SUZ12: variants seen among roughly 807,000 people sequenced by gnomAD.
The protein encoded by SUZ12 is SUZ12 polycomb repressive complex 2 subunit.
In SUZ12, 17 loss-of-function variants were observed where a neutral mutation model predicts 87.3. The ratio of observed to expected loss-of-function variants is 0.19; its 90% CI spans 0.13 to 0.29. The LOEUF (loss-of-function observed/expected upper bound fraction) is 0.29, where lower values mean the gene tolerates loss of function less well. Among genes scored for constraint, SUZ12 ranks in the 10% least tolerant of loss-of-function variants. SUZ12 has a pLI of 1.00. For missense variants in SUZ12, 526 were observed against 912.2 expected (o/e 0.58, Z 5.45); for synonymous variants, 253 against 312.4 (o/e 0.81, Z 2.01).
At chr17:31,969,947 CAG>C (rs1428245227) in intron 5 of SUZ12, among the ~76,000 whole-genome samples, 4 of 152,060 alleles carry the variant, frequency 2.6e-5, no homozygotes, top group African/African-American at 7.2e-5. Flanking sequence ...ATTTTTTAGA[CAG>C]AGTCTTGCTC....
chr17:31,982,733 A>G (rs1256060377), intron 8 of SUZ12, among the ~76,000 whole-genome samples: 3 of 152,222 alleles, frequency 2.0e-5, no homozygotes, highest in Non-Finnish European at 4.4e-5. Context: ...CCAGGTTTTG[A>G]GACCTCAGGC....
intron 4 of SUZ12, among the ~76,000 whole-genome samples, chr17:31,959,448 C>T (rs922007730): frequency 6.6e-6 from 1 of 152,136 alleles, no homozygotes; most frequent in Admixed American, 6.6e-5. Flanking sequence ...TTAGAAAGTG[C>T]GTCTAACCCC....
At chr17:31,964,342 AAC>A (rs1567822758) in intron 4 of SUZ12, among the ~76,000 whole-genome samples, 1 of 123,398 alleles carries the variant, frequency 8.1e-6, no homozygotes, top group African/African-American at 6.0e-5. Flanking sequence ...TACTTTCTAG[AAC>A]ATACTTTTCT....
At chr17:31,988,931 G>A (rs1162482857) in intron 10 of SUZ12, among the ~76,000 whole-genome samples, 1 of 151,576 alleles carries the variant, frequency 6.6e-6, no homozygotes, top group Admixed American at 6.6e-5. Context: ...ATTTAGCCAG[G>A]TGTGGTGGCG....
intron 4 of SUZ12, among the ~76,000 whole-genome samples, chr17:31,961,367 T>C (rs1465332526): frequency 2.0e-5 from 3 of 152,094 alleles, no homozygotes; most frequent in Non-Finnish European, 2.9e-5. Flanking sequence ...GCCAACGTGG[T>C]GAAACCTCAT....
chr17:31,972,960 A>G (rs918121656), intron 5 of SUZ12, among the ~76,000 whole-genome samples, 186 bp from the exon 6 acceptor site: 2 of 151,126 alleles, frequency 1.3e-5, no homozygotes, highest in African/African-American at 4.9e-5. Flanking sequence ...TATTTACACT[A>G]TATATAAAGG....
chr17:31,994,518 A>G (rs746417737), intron 12 of SUZ12, 46 bp from the exon 13 acceptor site: 1 of 1,460,126 alleles, frequency 6.8e-7, no homozygotes, highest in Admixed American at 2.4e-5. Flanking sequence ...AGGGATATTT[A>G]GGATAGGATA....
intron 4 of SUZ12, among the ~76,000 whole-genome samples, chr17:31,954,363 CT>C (rs974761144): frequency 6.6e-6 from 1 of 152,118 alleles, no homozygotes; most frequent in African/African-American, 2.4e-5. Context: ...GCCCAGCCAA[CT>C]TTGTTTTTGA....
chr17:31,964,400 C>T (rs1046734357), intron 4 of SUZ12, among the ~76,000 whole-genome samples: 2 of 149,972 alleles, frequency 1.3e-5, no homozygotes, highest in African/African-American at 2.4e-5. Context: ...CTGTCAAAAT[C>T]CCAACTCTGT....
Position 31,956,381 on chromosome 17 carries a change from A to C in SUZ12, c.455+8696A>C, listed in dbSNP as rs1043381047. ...GCTAATGTTTTGTGTTTTAGTAGAG[A>C]TGGGGTTTCACCGTGTTGGCCAGGA... On this transcript the variant is annotated intron_variant, in intron 4 of 15. Transcript: ENST00000322652. Among the ~76,000 whole-genome samples, 4 of 152,024 alleles carry C rather than the reference A, an allele frequency of 2.6e-5. No individual in the cohort carries two copies. The East Asian group carries it at 5.8e-4, about 22-fold the overall frequency.
At chr17:31,948,576 C>T (rs957065969) in intron 4 of SUZ12, among the ~76,000 whole-genome samples, 12 of 152,088 alleles carry the variant, frequency 7.9e-5, no homozygotes, top group Non-Finnish European at 1.6e-4. Context: ...TCATTGTTTT[C>T]CCATTGTTCT....
At chr17:31,983,701 A>G (rs1415778678) in intron 9 of SUZ12, among the ~76,000 whole-genome samples, 1 of 152,220 alleles carries the variant, frequency 6.6e-6, no homozygotes, top group Non-Finnish European at 1.5e-5. Flanking sequence ...CATGAGACAT[A>G]GAATTGATGG....
In SUZ12 at chr17:31,937,405, G is replaced by A. The variant is rs1906000373; in HGVS notation, c.159G>A (p.Ser53=). Residue 53 remains serine (S), a synonymous_variant, in exon 1 of 16, where the codon TCG becomes TCA. Coordinates refer to ENST00000322652, the MANE Select transcript of SUZ12 (RefSeq NM_015355.4). ...GCTGTGGAGGGGGTGGCAGTTACTC[G>A]GCCTCCTCCTCCTCCTCCGCGGCGG... ...GGSCGGGGSY[S]ASSSSSAAAA... is the part of the protein sequence containing the mutation. The A allele has an allele frequency of 1.3e-6, 2 of 1,539,454 alleles. No individual in the cohort carries two copies. The highest frequency in any genetic ancestry group is 1.4e-5 in the African/African-American group (1 of 71,892).
Position 31,994,560 on chromosome 17 carries a change from G to T in SUZ12, c.1438-4G>T. The T allele has an allele frequency of 1.3e-6, 2 of 1,578,906 alleles. No homozygotes were observed. Among genetic ancestry groups the T allele is most frequent in the Non-Finnish European group, 1.7e-6 (2 of 1,165,024 alleles). On this transcript the variant is annotated splice_polypyrimidine_tract_variant and splice_region_variant and intron_variant, in intron 12 of 15. Transcript: ENST00000322652. ...ATATTTTTTTTTTTACATTTTTGTTGCAGTATCATCCAAAAGGTGCTAGGA... is the reference window on the plus strand; with the variant it reads ...ATATTTTTTTTTTTACATTTTTGTTTCAGTATCATCCAAAAGGTGCTAGGA...
intron 7 of SUZ12, 136 bp from the exon 8 acceptor site, chr17:31,976,385 C>T: frequency 1.5e-6 from 1 of 647,234 alleles, no homozygotes; most frequent in Non-Finnish European, 2.6e-6. Flanking sequence ...AACATGTGGT[C>T]TGTATATTAT....
intron 4 of SUZ12, chr17:31,964,037 GT>G: frequency 6.6e-6 from 1 of 151,778 alleles, no homozygotes; most frequent in Non-Finnish European, 1.5e-5. Context: ...TTTGTTTTTT[GT>G]TTTTTTGAGG....
At chr17:31,980,356 C>G (rs1160751348) in intron 8 of SUZ12, among the ~76,000 whole-genome samples, 1 of 141,312 alleles carries the variant, frequency 7.1e-6, no homozygotes, top group African/African-American at 2.6e-5. Context: ...AAGTAGGCTT[C>G]TGTGTCCTGT....
intron 9 of SUZ12, among the ~76,000 whole-genome samples, chr17:31,985,634 G>A (rs1909363800): frequency 6.7e-6 from 1 of 149,242 alleles, no homozygotes; most frequent in South Asian, 2.1e-4. Context: ...AAGAGTTTTT[G>A]TTGTTGTTGG....
intron 5 of SUZ12, among the ~76,000 whole-genome samples, chr17:31,968,490 C>T (rs1908225473): frequency 6.6e-6 from 1 of 152,172 alleles, no homozygotes; most frequent in African/African-American, 2.4e-5. Flanking sequence ...CCTCAGTCTC[C>T]CAAAGTGCGG....
Sources: gnomAD v4.1 joint callset for allele counts (sites outside exome capture counted in the v4.1 genomes callset) on GRCh38, gnomAD v4.1.1 for gene constraint, MANE v1.5 for transcripts, NCBI Gene and HGNC (gene_info 2026-07-23, HGNC 2026-07-21) for gene names.